Variants in ACOT4 observed in about 807,000 individuals in gnomAD.
The protein encoded by ACOT4 is acyl-CoA thioesterase 4.
ACOT4 carries 18 observed loss-of-function variants against 17.1 expected under a neutral mutation model. The ratio of observed to expected loss-of-function variants is 1.05; its 90% CI spans 0.73 to 1.56. The LOEUF (loss-of-function observed/expected upper bound fraction) is 1.56, where lower values mean the gene tolerates loss of function less well. Ranked by LOEUF, ACOT4 falls within the 40% of genes most tolerant of loss-of-function variation. The pLI is 0.00. For synonymous variants in ACOT4, 234 were observed against 236.6 expected, an observed-to-expected ratio of 0.99 and a Z score of 0.10; for missense variants, 574 against 557.2, an observed-to-expected ratio of 1.03 and a Z score of -0.30.
In ACOT4 at chr14:73,592,334, C is replaced by T. The variant is rs757875410; in HGVS notation, c.375C>T (p.His125=). 1.2e-6 allele frequency: 2 copies of T among 1,604,832 alleles called. No homozygotes were observed. Among genetic ancestry groups the T allele is most frequent in the Middle Eastern group, 1.7e-4 (1 of 6,044 alleles). ...GACGGCTGCTGTGCCAGGCGCAGCA[C>T]GAGCGCCACTTCCTCCCGCCAGGGG... ...EPGRLLCQAQ[H]ERHFLPPGVR... Residue 125 remains histidine, a synonymous_variant, in exon 1 of 3, where the codon CAC becomes CAT. Coordinates refer to ENST00000326303, the MANE Select transcript of ACOT4 (RefSeq NM_152331.4).
chr14:73,592,555 A>T, intron 1 of ACOT4, 139 bp downstream of exon 1: 1 of 1,098,868 alleles, frequency 9.1e-7, no homozygotes, highest in Non-Finnish European at 1.2e-6. Context: ...CCACTCTACC[A>T]AAATAGAGGG....
chr14:73,595,521 T>C lies in ACOT4; in HGVS notation c.1133T>C (p.Leu378Pro). Residue 378 changes from leucine (L) to proline (P), a missense_variant, in exon 3 of 3, where the codon CTG becomes CCG. Physicochemically the swap from Leu to Pro is moderately conservative, Grantham distance 98. Coordinates refer to ENST00000326303, the MANE Select transcript of ACOT4 (RefSeq NM_152331.4). ...TGCCCAGCTTCCCTTCACAGATTACTGAACAAACATGTTATATGGGGTGGG... is the reference window on the plus strand; with the variant it reads ...TGCCCAGCTTCCCTTCACAGATTACCGAACAAACATGTTATATGGGGTGGG... ...PLCPASLHRL[L>P]NKHVIWGGEP... 5 of 1,613,038 alleles carry C rather than the reference T, an allele frequency of 3.1e-6. No individual in the cohort carries two copies. Among genetic ancestry groups the C allele is most frequent in the Non-Finnish European group, 8.5e-7 (1 of 1,179,064 alleles).
chr14:73,592,459 G>C (rs1288283240), intron 1 of ACOT4, 43 bp downstream of exon 1: 2 of 1,457,852 alleles, frequency 1.4e-6, no homozygotes, highest in Admixed American at 5.2e-5. Context: ...TCAGTGGCCT[G>C]AGTCTCCGTT....
chr14:73,592,253 A>G lies in ACOT4; in HGVS notation c.294A>G (p.Val98=). 6.2e-7 allele frequency: 1 copy of G among 1,613,272 alleles called. No homozygotes were observed. Among genetic ancestry groups the G allele is most frequent in the Non-Finnish European group, 8.5e-7 (1 of 1,179,536 alleles). ...KPFWRFLKRD[V]QIPFVVELEV... ...TTTGGCGCTTCCTGAAGCGGGACGT[A>G]CAGATTCCTTTTGTCGTGGAGTTGG... is the stretch of plus-strand genomic sequence containing the variant. Residue 98 remains valine (V), a synonymous_variant, in exon 1 of 3, where the codon GTA becomes GTG. Coordinates refer to ENST00000326303, the MANE Select transcript of ACOT4 (RefSeq NM_152331.4).
rs1342571714 is a variant in ACOT4 at position 73,592,175 on chromosome 14, C to A, written c.216C>A (p.Phe72Leu). 2 of 1,605,086 alleles carry A rather than the reference C, an allele frequency of 1.2e-6. No individual in the cohort carries two copies. The highest frequency in any genetic ancestry group is 1.1e-5 in the South Asian group (1 of 89,640). ...LERAPALGGS[F>L]AGLEPMGLLW... ...GCGCACCCGCGCTGGGCGGCAGCTT[C>A]GCGGGACTCGAGCCCATGGGGCTGC... is the stretch of plus-strand genomic sequence containing the variant. The change falls in exon 1 of 3, where the codon TTC becomes TTA. Residue 72 changes from phenylalanine (F) to leucine (L), a missense_variant. Physicochemically the swap from Phe to Leu is conservative, Grantham distance 22. Coordinates refer to ENST00000326303, the MANE Select transcript of ACOT4 (RefSeq NM_152331.4).
chr14:73,595,682 A>G lies in ACOT4; in HGVS notation c.*28A>G, dbSNP rs773647218. On this transcript the variant is annotated 3_prime_UTR_variant, in exon 3 of 3. Coordinates refer to ENST00000326303, the MANE Select transcript of ACOT4 (RefSeq NM_152331.4). ...CATTTGTCTGTTGTTGACATGAGAGATTCAAGATCAGATTCTAGTGTTCAG... is the reference window on the plus strand; with the variant it reads ...CATTTGTCTGTTGTTGACATGAGAGGTTCAAGATCAGATTCTAGTGTTCAG... 2.7e-6 allele frequency: 4 copies of G among 1,507,740 alleles called. No individual in the cohort carries two copies. The highest frequency in any genetic ancestry group is 4.5e-5 in the Admixed American group (2 of 44,200). The allele number at this position is 1,507,740 out of a possible 1,614,324, so 93.4% of individuals were successfully genotyped here. A position where few individuals can be genotyped will look rare whatever the true frequency, so the allele number is the denominator to read the frequency against.
At chr14:73,594,737 G>A (rs1890216805) in intron 2 of ACOT4, among the ~76,000 whole-genome samples, 1 of 151,930 alleles carries the variant, frequency 6.6e-6, no homozygotes, top group African/African-American at 2.4e-5. Context: ...GTCTCGCTTT[G>A]TCACCCAAGC....
chr14:73,595,044 T>G lies in ACOT4; in HGVS notation c.661-5T>G. 7 of 1,612,480 alleles carry G rather than the reference T, an allele frequency of 4.3e-6. No homozygotes were observed. Among genetic ancestry groups the G allele is most frequent in the Non-Finnish European group, 5.9e-6 (7 of 1,179,560 alleles). On this transcript the variant is annotated splice_region_variant and splice_polypyrimidine_tract_variant and intron_variant, in intron 2 of 2. Transcript: ENST00000326303. ...ACTCAACTCTCCTCTCTTCTTTTCT[T>G]CCAGGTAAAAGGCCCAGGCATTGGG...
intron 1 of ACOT4, among the ~76,000 whole-genome samples, chr14:73,592,901 C>T (rs10149861): frequency 9.2e-4 from 140 of 152,300 alleles, no homozygotes; most frequent in African/African-American, 3.3e-3. Context: ...CTGTGTACTA[C>T]GGTTTTTACT....
chr14:73,593,916 G>A lies in ACOT4; in HGVS notation c.660+12G>A. The A allele has an allele frequency of 6.2e-7, 1 of 1,600,554 alleles. No homozygotes were observed. The highest frequency in any genetic ancestry group is 1.1e-5 in the South Asian group (1 of 90,212). ...TTCAACATCCCCAGGTTCTCCTCAT[G>A]TCCTTTATTTAATCAGTCTCTCTAG... On this transcript the variant is annotated intron_variant, in intron 2 of 2. Transcript: ENST00000326303.
In ACOT4 at chr14:73,592,025, C is replaced by G. The variant is rs755250482; in HGVS notation, c.66C>G (p.Ala22=). ...GCTGGAACGAGCCGGTGCGCATTGC[C>G]GTGCGCGGCCTGGCCCCGGAGCAGC... ...RCCWNEPVRI[A]VRGLAPEQRV... The change falls in exon 1 of 3, where the codon GCC becomes GCG. Residue 22 remains alanine, a synonymous_variant. Transcript: ENST00000326303. The G allele has an allele frequency of 1.4e-4, 196 of 1,444,846 alleles. 3 individuals carry two copies. In the South Asian group the frequency reaches 2.4e-3, roughly 17 times the overall value. The allele number at this position is 1,444,846 out of a possible 1,614,324, so 89.5% of individuals were successfully genotyped here.
chr14:73,592,317 C>T lies in ACOT4; in HGVS notation c.358C>T (p.Leu120=). The change falls in exon 1 of 3, where the codon CTG becomes TTG. Residue 120 remains leucine (L), a synonymous_variant. Transcript: ENST00000326303. The stretch of plus-strand genomic sequence containing the variant: ...CCACGACCCCGAGCCTGGACGGCTG[C>T]TGTGCCAGGCGCAGCACGAGCGCCA... ...DGHDPEPGRL[L]CQAQHERHFL... 6.2e-7 allele frequency: 1 copy of T among 1,609,932 alleles called. No individual in the cohort carries two copies. The highest frequency in any genetic ancestry group is 8.5e-7 in the Non-Finnish European group (1 of 1,178,220).
At chr14:73,592,617 C>T (rs1046612539) in intron 1 of ACOT4, among the ~76,000 whole-genome samples, 4 of 152,184 alleles carry the variant, frequency 2.6e-5, no homozygotes, top group Non-Finnish European at 4.4e-5. Flanking sequence ...CTTTGGGAGG[C>T]CGAGATGGGC....
rs372175901 is a variant in ACOT4, at chr14:73,595,367, C to G, written c.979C>G (p.His327Asp). The G allele has an allele frequency of 6.2e-7, 1 of 1,614,100 alleles. No homozygotes were observed. The highest frequency in any genetic ancestry group is 8.5e-7 in the Non-Finnish European group (1 of 1,180,046). The change falls in exon 3 of 3, where the codon CAT (histidine) becomes GAT (aspartate). Residue 327 changes from histidine (H) to aspartate (D), a missense_variant. Physicochemically the swap from His to Asp is moderately conservative, Grantham distance 81 (BLOSUM62 -1). Transcript: ENST00000326303. ...CCTGCTCATTGTTGGTCAGGATGAC[C>G]ATAACTGGAGAAGTGAGTTGTATGC... Reference protein sequence around the residue: ...PILLIVGQDDHNWRSELYAQT... With the variant: ...PILLIVGQDDDNWRSELYAQT...
In ACOT4 at chr14:73,595,050, T is replaced by G; in HGVS notation, c.662T>G (p.Val221Gly). Residue 221 changes from valine (V) to glycine (G), a missense_variant and splice_region_variant, in exon 3 of 3, where the codon GTA (valine) becomes GGA (glycine). By Grantham distance (109) the Val-to-Gly change is moderately radical (BLOSUM62 -3). Coordinates refer to ENST00000326303, the MANE Select transcript of ACOT4 (RefSeq NM_152331.4). Reference sequence around the variant, plus strand: ...CTCTCCTCTCTTCTTTTCTTCCAGGTAAAAGGCCCAGGCATTGGGCTTTTG... The same window carrying G: ...CTCTCCTCTCTTCTTTTCTTCCAGGGAAAAGGCCCAGGCATTGGGCTTTTG... ...AVCYMLQHPQ[V>G]KGPGIGLLGI... 6.2e-7 allele frequency: 1 copy of G among 1,613,002 alleles called. No homozygotes were observed. Among genetic ancestry groups the G allele is most frequent in the Non-Finnish European group, 8.5e-7 (1 of 1,179,716 alleles).
rs976664520 is a variant in ACOT4, at chr14:73,592,418, T to A, written c.457+2T>A. The A allele has an allele frequency of 4.6e-6, 7 of 1,509,958 alleles. No individual in the cohort carries two copies. In the Admixed American group the frequency reaches 1.1e-4, roughly 23 times the overall value. The allele number at this position is 1,509,958 out of a possible 1,614,324, so 93.5% of individuals were successfully genotyped here. Reference sequence around the variant, plus strand: ...GCGCCACGCTCTTCCTGCCGCCAGGTGAGCCAGGCTGCTGGCGGGTGGTGT... The same window carrying A: ...GCGCCACGCTCTTCCTGCCGCCAGGAGAGCCAGGCTGCTGGCGGGTGGTGT... On this transcript the variant is annotated splice_donor_variant, in intron 1 of 2. Transcript: ENST00000326303. LOFTEE classifies it high-confidence loss of function.
Position 73,595,478 on chromosome 14 carries a change from C to T in ACOT4, c.1090C>T (p.Pro364Ser). 3 of 1,614,124 alleles carry T rather than the reference C, an allele frequency of 1.9e-6. No homozygotes were observed. The highest frequency in any genetic ancestry group is 1.1e-5 in the South Asian group (1 of 91,084). Reference sequence around the variant, plus strand: ...CCCTGGGACTGGGCATTACATCGAGCCTCCTTACTTCCCCCTGTGCCCAGC... The same window carrying T: ...CCCTGGGACTGGGCATTACATCGAGTCTCCTTACTTCCCCCTGTGCCCAGC... ...CYPGTGHYIE[P>S]PYFPLCPASL... is the part of the protein sequence containing the mutation. Residue 364 changes from proline (P) to serine (S), a missense_variant, in exon 3 of 3, where the codon CCT (proline) becomes TCT (serine). Coordinates refer to ENST00000326303, the MANE Select transcript of ACOT4 (RefSeq NM_152331.4).
chr14:73,592,165 G>A lies in ACOT4; in HGVS notation c.206G>A (p.Gly69Asp), dbSNP rs1439331534. The A allele has an allele frequency of 1.9e-6, 3 of 1,602,696 alleles. No individual in the cohort carries two copies. The highest frequency in any genetic ancestry group is 2.3e-5 in the East Asian group (1 of 44,068). Residue 69 changes from glycine to aspartate, a missense_variant, in exon 1 of 3, where the codon GGC becomes GAC. Physicochemically the swap from Gly to Asp is moderately conservative, Grantham distance 94. Coordinates refer to ENST00000326303, the MANE Select transcript of ACOT4 (RefSeq NM_152331.4). Reference protein sequence around the residue: ...ELDLERAPALGGSFAGLEPMG... With the variant: ...ELDLERAPALDGSFAGLEPMG... ...GACCTGGAGCGCGCACCCGCGCTGG[G>A]CGGCAGCTTCGCGGGACTCGAGCCC...
chr14:73,592,587 T>C (rs1890173782), intron 1 of ACOT4, among the ~76,000 whole-genome samples, 171 bp downstream of exon 1: 1 of 152,240 alleles, frequency 6.6e-6, no homozygotes, highest in South Asian at 2.1e-4. Context: ...GCGTGGTGAC[T>C]AACGCCTGTA....
Sources: gnomAD v4.1 joint callset for allele counts (sites outside exome capture counted in the v4.1 genomes callset) on GRCh38, gnomAD v4.1.1 for gene constraint, MANE v1.5 for transcripts, NCBI Gene and HGNC (gene_info 2026-07-23, HGNC 2026-07-21) for gene names.